LRMDA: variants seen among roughly 807,000 people sequenced by gnomAD.
LRMDA encodes the protein leucine rich melanocyte differentiation associated, also known as leucine-rich melanocyte differentiation-associated protein.
Under a neutral mutation model 29.8 loss-of-function variants are expected in LRMDA, and 18 were observed. The ratio of observed to expected loss-of-function variants is 0.60; its 90% confidence interval spans 0.42 to 0.90. The LOEUF (loss-of-function observed/expected upper bound fraction) is 0.90, where lower values mean the gene tolerates loss of function less well. Ranked by LOEUF, LRMDA falls within the 40% of genes least tolerant of loss-of-function variation. The pLI, the probability that LRMDA is intolerant of heterozygous loss-of-function variation, is 0.00. For synonymous variants in LRMDA, 125 were observed against 109.4 expected, an observed-to-expected ratio of 1.14 and a Z score of -0.89; for missense variants, 273 against 273.9, an observed-to-expected ratio of 1.00 and a Z score of 0.02.
At chr10:75,962,673 C>T (rs1005047362) in intron 2 of LRMDA, among the ~76,000 whole-genome samples, 4 of 152,156 alleles carry the variant, frequency 2.6e-5, no homozygotes, top group Non-Finnish European at 4.4e-5. Flanking sequence ...AGGTGAGTGG[C>T]TATGTGACAA....
intron 2 of LRMDA, among the ~76,000 whole-genome samples, chr10:75,627,087 G>A (rs1841259976): frequency 6.6e-6 from 1 of 152,156 alleles, no homozygotes; most frequent in Non-Finnish European, 1.5e-5. Context: ...ACTATTTTAG[G>A]TTTGGCCTGA....
At chr10:75,895,571 A>G (rs1014737404) in intron 2 of LRMDA, among the ~76,000 whole-genome samples, 3 of 152,184 alleles carry the variant, frequency 2.0e-5, no homozygotes, top group African/African-American at 7.2e-5. Flanking sequence ...AGGCTCTTAT[A>G]TCTCCTAGGA....
At chr10:75,981,698 G>T (rs118113054) in intron 2 of LRMDA, among the ~76,000 whole-genome samples, 21 of 151,896 alleles carry the variant, frequency 1.4e-4, no homozygotes, top group Non-Finnish European at 2.8e-4. Context: ...CTAAAAATAC[G>T]AACATTAGCT....
intron 5 of LRMDA, among the ~76,000 whole-genome samples, chr10:76,166,960 A>AT (rs1564672953): frequency 6.6e-6 from 1 of 151,892 alleles, no homozygotes; most frequent in Non-Finnish European, 1.5e-5. Context: ...CATCTGTCTT[A>AT]TTTTTTGTTT....
At chr10:76,530,598 G>A (rs978754904) in intron 6 of LRMDA, among the ~76,000 whole-genome samples, 1 of 152,176 alleles carries the variant, frequency 6.6e-6, no homozygotes, top group Non-Finnish European at 1.5e-5. Flanking sequence ...TAATGACGAG[G>A]AGGAGCAGGA....
chr10:76,273,573 A>G (rs1564707355), intron 5 of LRMDA, among the ~76,000 whole-genome samples: 1 of 152,158 alleles, frequency 6.6e-6, no homozygotes, highest in Admixed American at 6.6e-5. Flanking sequence ...AACTTGTACT[A>G]TTATGTACCC....
At chr10:76,039,489 C>T (rs1463194068) in intron 3 of LRMDA, among the ~76,000 whole-genome samples, 1 of 152,156 alleles carries the variant, frequency 6.6e-6, no homozygotes, top group African/African-American at 2.4e-5. Context: ...TTCACCCCAC[C>T]TACCATGTAA....
chr10:76,155,767 G>T (rs1047805614), intron 5 of LRMDA, among the ~76,000 whole-genome samples: 1 of 152,142 alleles, frequency 6.6e-6, no homozygotes, highest in Non-Finnish European at 1.5e-5. Flanking sequence ...GGGATTTCTG[G>T]TTCCTGCATA....
chr10:76,363,176 A>AGAAGGAGGGAG lies in LRMDA; in HGVS notation c.601+38692_601+38693insAAGGAGGGAGG, dbSNP rs1459442138. ...AAGAAAGAAAGAAAGAAAGAAAGAA[A>AGAAGGAGGGAG]GGAGGGAGGGAGGGAGGGAGGGAGG... On this transcript the variant is annotated intron_variant, in intron 6 of 6. Transcript: ENST00000611255. Among the ~76,000 whole-genome samples the AGAAGGAGGGAG allele has an allele frequency of 1.5e-3, 33 of 21,796 alleles. 1 individual carries two copies. The highest frequency in any genetic ancestry group is 2.9e-3 in the Non-Finnish European group (25 of 8,596). The allele number at this position is 21,796 out of a possible 152,430, so 14.3% of individuals were successfully genotyped here. A position where few individuals can be genotyped will look rare whatever the true frequency, so the allele number is the denominator to read the frequency against.
At chr10:75,447,426 T>G (rs1321421180) in intron 2 of LRMDA, among the ~76,000 whole-genome samples, 1 of 152,050 alleles carries the variant, frequency 6.6e-6, no homozygotes, top group Non-Finnish European at 1.5e-5. Flanking sequence ...CTCAGGAGGC[T>G]GAGGCAGGAG....
intron 5 of LRMDA, among the ~76,000 whole-genome samples, chr10:76,305,743 A>C (rs12356044): frequency 0.11 from 16,058 of 152,216 alleles, 1,032 homozygotes; most frequent in East Asian, 0.33. Context: ...TTGGGTCTGG[A>C]ATCTCTCAAG....
At chr10:76,358,911 T>G (rs1360830583) in intron 6 of LRMDA, among the ~76,000 whole-genome samples, 1 of 152,296 alleles carries the variant, frequency 6.6e-6, no homozygotes, top group Non-Finnish European at 1.5e-5. Context: ...TGTTGCTTGG[T>G]TTTGAGCCCA....
intron 2 of LRMDA, among the ~76,000 whole-genome samples, chr10:75,491,979 G>A (rs1844993750): frequency 6.6e-6 from 1 of 152,152 alleles, no homozygotes; most frequent in Non-Finnish European, 1.5e-5. Context: ...CCATGGAAAG[G>A]GCTATGGTCA....
chr10:75,640,712 G>A (rs778745073), intron 2 of LRMDA, among the ~76,000 whole-genome samples: 8 of 152,140 alleles, frequency 5.3e-5, no homozygotes, highest in Non-Finnish European at 1.0e-4. Context: ...AAAATGCTGG[G>A]GAGAGCAGAG....
chr10:75,506,366 GC>G (rs1845168393), intron 2 of LRMDA, among the ~76,000 whole-genome samples: 1 of 152,162 alleles, frequency 6.6e-6, no homozygotes, highest in Admixed American at 6.5e-5. Context: ...GCCTGAACTG[GC>G]AGCAAAGCTG....
chr10:75,502,985 A>G (rs893237738), intron 2 of LRMDA, among the ~76,000 whole-genome samples: 2 of 152,034 alleles, frequency 1.3e-5, no homozygotes, highest in African/African-American at 4.8e-5. Flanking sequence ...AGCAACACCT[A>G]TTTGTATCAT....
chr10:76,131,743 A>G (rs910877399), intron 5 of LRMDA, among the ~76,000 whole-genome samples: 1 of 152,138 alleles, frequency 6.6e-6, no homozygotes, highest in African/African-American at 2.4e-5. Flanking sequence ...CATTTCAAAA[A>G]TGTGCTTATT....
intron 2 of LRMDA, among the ~76,000 whole-genome samples, chr10:76,019,556 C>T (rs1206689737): frequency 1.3e-5 from 2 of 151,998 alleles, no homozygotes; most frequent in East Asian, 3.9e-4. Context: ...TAAAGCAAAT[C>T]TTTATTATTG....
intron 2 of LRMDA, among the ~76,000 whole-genome samples, chr10:75,630,900 C>T (rs998972208): frequency 6.6e-6 from 1 of 152,004 alleles, no homozygotes; most frequent in Non-Finnish European, 1.5e-5. Flanking sequence ...TGCCACTTTC[C>T]CCATCCGGAG....
Sources: allele counts gnomAD v4.1 joint callset (sites outside exome capture counted in the v4.1 genomes callset), GRCh38; gene constraint gnomAD v4.1.1; transcripts MANE v1.5; gene names NCBI Gene and HGNC (gene_info 2026-07-23, HGNC 2026-07-21).